Variants in SDK1 observed in about 807,000 individuals in gnomAD.
SDK1 encodes protein sidekick-1.
In SDK1, 157 loss-of-function variants were observed where a neutral mutation model predicts 245.5. The observed-to-expected ratio is 0.64, with a 90% CI of 0.56 to 0.73. The LOEUF is 0.73. SDK1 is among the 30% of genes least tolerant of loss of function. The pLI is 0.00. For synonymous variants in SDK1, 1,647 were observed against 1,278.5 expected (o/e 1.29, Z -6.15); for missense variants, 3,583 against 3,002.3 (o/e 1.19, Z -4.52).
intron 32 of SDK1, among the ~76,000 whole-genome samples, chr7:4,170,836 C>T (rs1781796389): frequency 1.3e-5 from 2 of 152,066 alleles, no homozygotes; most frequent in South Asian, 4.1e-4. Context: ...CATGGGGGAG[C>T]TGGAGAAAGA....
intron 17 of SDK1, among the ~76,000 whole-genome samples, chr7:4,029,282 G>C (rs564143390): frequency 7.0e-6 from 1 of 143,214 alleles, no homozygotes; most frequent in Non-Finnish European, 1.5e-5. Context: ...CACAATCTCA[G>C]CTCACTGCAT....
intron 5 of SDK1, among the ~76,000 whole-genome samples, chr7:3,946,174 G>A (rs967477193): frequency 2.1e-4 from 31 of 149,970 alleles, no homozygotes; most frequent in African/African-American, 6.8e-4. Flanking sequence ...ACTTAGACAC[G>A]TTTTATTTTA....
intron 1 of SDK1, among the ~76,000 whole-genome samples, chr7:3,559,758 A>C (rs1440388624): frequency 3.4e-5 from 1 of 29,062 alleles, no homozygotes; most frequent in African/African-American, 2.5e-4. Context: ...GTATTTTTTC[A>C]AAAAAAAAAA....
intron 1 of SDK1, among the ~76,000 whole-genome samples, chr7:3,448,713 C>T (rs1458813506): frequency 2.0e-5 from 3 of 151,994 alleles, no homozygotes; most frequent in African/African-American, 7.2e-5. Context: ...AGTAAATAAA[C>T]CACCCTTTCT....
chr7:3,552,259 G>A (rs191315184), intron 1 of SDK1, among the ~76,000 whole-genome samples: 6 of 152,116 alleles, frequency 3.9e-5, no homozygotes, highest in Admixed American at 1.3e-4. Flanking sequence ...GGATGGTCTC[G>A]ATCGATCTCC....
intron 4 of SDK1, among the ~76,000 whole-genome samples, chr7:3,671,558 T>C (rs1783701364): frequency 6.6e-6 from 1 of 152,322 alleles, no homozygotes; most frequent in South Asian, 2.1e-4. Context: ...GTCTGTATGA[T>C]CATATCATTG....
At chr7:3,321,240 C>T (rs193261956) in intron 1 of SDK1, among the ~76,000 whole-genome samples, 1 of 152,264 alleles carries the variant, frequency 6.6e-6, no homozygotes, top group African/African-American at 2.4e-5. Context: ...TTAGAAACGT[C>T]AAAATCAAAG....
intron 1 of SDK1, among the ~76,000 whole-genome samples, chr7:3,405,011 G>A (rs907027416): frequency 1.4e-4 from 21 of 152,210 alleles, no homozygotes; most frequent in African/African-American, 5.1e-4. Flanking sequence ...TTTCAGAACT[G>A]AACTAACAGT....
At position 3,990,645 on chromosome 7, in the gene SDK1, C is replaced by A. The variant is rs1485049641; in HGVS notation, c.2131+3323C>A. 2.0e-5 allele frequency among the ~76,000 whole-genome samples: 3 copies of A among 152,176 alleles called. No individual in the cohort carries two copies. The East Asian group carries it at 5.8e-4, about 29-fold the overall frequency. ...GACAGCCCCCATCAGGCGCTGTCGC[C>A]TCGGGCTTCAGGACTGTGTCTCCTT... On this transcript the variant is annotated intron_variant, in intron 14 of 44. Transcript: ENST00000404826.
chr7:3,553,454 A>G (rs985783481), intron 1 of SDK1, among the ~76,000 whole-genome samples: 1 of 152,126 alleles, frequency 6.6e-6, no homozygotes, highest in Non-Finnish European at 1.5e-5. Flanking sequence ...AGAAGTCAAG[A>G]TGGTTTGGGG....
intron 1 of SDK1, among the ~76,000 whole-genome samples, chr7:3,329,408 G>T (rs2128550338): frequency 6.6e-6 from 1 of 152,264 alleles, no homozygotes; most frequent in East Asian, 1.9e-4. Context: ...TCTATTGAAA[G>T]TGTACAATTC....
chr7:3,542,869 T>TA (rs1779097157), intron 1 of SDK1, among the ~76,000 whole-genome samples: 1 of 152,116 alleles, frequency 6.6e-6, no homozygotes, highest in South Asian at 2.1e-4. Flanking sequence ...AAATAAAAAT[T>TA]GATTTACCTT....
chr7:3,790,439 G>C (rs1391100397), intron 4 of SDK1, among the ~76,000 whole-genome samples: 1 of 152,132 alleles, frequency 6.6e-6, no homozygotes, highest in Non-Finnish European at 1.5e-5. Context: ...GAATAGTGTG[G>C]AAAGGTGGGT....
At chr7:3,629,776 C>G (rs1431579553) in intron 2 of SDK1, among the ~76,000 whole-genome samples, 1 of 152,158 alleles carries the variant, frequency 6.6e-6, no homozygotes, top group Non-Finnish European at 1.5e-5. Context: ...AGAATCTAAT[C>G]AAAGATCATC....
chr7:4,091,810 G>C (rs1175292817), intron 22 of SDK1, among the ~76,000 whole-genome samples: 1 of 152,052 alleles, frequency 6.6e-6, no homozygotes, highest in Non-Finnish European at 1.5e-5. Context: ...CACCTTTACA[G>C]CTCCGTCCAG....
At chr7:3,822,933 C>A (rs1275548289) in intron 5 of SDK1, among the ~76,000 whole-genome samples, 2 of 152,092 alleles carry the variant, frequency 1.3e-5, no homozygotes, top group African/African-American at 4.8e-5. Flanking sequence ...TGAGTGGGGT[C>A]TCAGATGCCT....
chr7:3,344,327 G>C (rs1477591420), intron 1 of SDK1, among the ~76,000 whole-genome samples: 1 of 152,164 alleles, frequency 6.6e-6, no homozygotes, highest in Non-Finnish European at 1.5e-5. Context: ...ACATTGTCGT[G>C]CATCTAGTCT....
At chr7:3,497,975 A>G (rs1782077191) in intron 1 of SDK1, among the ~76,000 whole-genome samples, 1 of 152,200 alleles carries the variant, frequency 6.6e-6, no homozygotes, top group Admixed American at 6.5e-5. Context: ...CTTATCACGG[A>G]GACAGCTTTA....
At chr7:3,563,850 A>T (rs1421425359) in intron 1 of SDK1, among the ~76,000 whole-genome samples, 1 of 152,202 alleles carries the variant, frequency 6.6e-6, no homozygotes, top group Admixed American at 6.5e-5. Context: ...AATTAGGTTC[A>T]CTCAGTATAA....
Sources: gnomAD v4.1 joint callset for allele counts (sites outside exome capture counted in the v4.1 genomes callset) on GRCh38, gnomAD v4.1.1 for gene constraint, MANE v1.5 for transcripts, NCBI Gene and HGNC (gene_info 2026-07-23, HGNC 2026-07-21) for gene names.